The following POLA1 variants were observed in gnomAD, a reference collection of about 807,000 sequenced individuals.
POLA1 encodes the protein DNA polymerase alpha catalytic subunit.
POLA1 carries 15 observed loss-of-function variants against 124.0 expected under a neutral mutation model. The ratio of observed to expected loss-of-function variants is 0.12; its 90% CI spans 0.08 to 0.19. The LOEUF is 0.19. POLA1 is among the 10% of genes least tolerant of loss of function. The pLI, the probability that POLA1 is intolerant of heterozygous loss-of-function variation, is 1.00. For missense variants in POLA1, 886 were observed against 1,103.4 expected (o/e 0.80, Z 2.79); for synonymous variants, 408 against 389.4 (o/e 1.05, Z -0.56).
chrX:24,774,138 A>G (rs142376924), intron 26 of POLA1, among the ~76,000 whole-genome samples: 245 of 111,678 alleles, frequency 2.2e-3, no homozygotes, highest in African/African-American at 7.6e-3. Flanking sequence ...GGATTATCAC[A>G]TATCATGCAA....
intron 26 of POLA1, among the ~76,000 whole-genome samples, chrX:24,771,743 A>G (rs1394477469): frequency 1.8e-5 from 2 of 111,400 alleles, no homozygotes; most frequent in African/African-American, 3.3e-5. Flanking sequence ...TTTTTCTTTT[A>G]GTCTTAATAT....
intron 26 of POLA1, among the ~76,000 whole-genome samples, chrX:24,765,116 C>CTACCCTG (rs1267767231): frequency 1.8e-5 from 2 of 110,342 alleles, no homozygotes; most frequent in Non-Finnish European, 1.9e-5. Flanking sequence ...GCCACATGGG[C>CTACCCTG]TACCCTGTTC....
At chrX:24,829,215 A>C (rs1601778497) in intron 32 of POLA1, among the ~76,000 whole-genome samples, 2 of 111,674 alleles carry the variant, frequency 1.8e-5, no homozygotes, top group Non-Finnish European at 3.8e-5. Context: ...TCTTCTGGGC[A>C]GTCCCTTCTT....
intron 26 of POLA1, among the ~76,000 whole-genome samples, chrX:24,789,703 A>G (rs956931788): frequency 8.9e-6 from 1 of 112,323 alleles, no homozygotes. Context: ...ATTCGTATTT[A>G]AAGAACATCA....
intron 4 of POLA1, among the ~76,000 whole-genome samples, chrX:24,705,121 T>C (rs1180807785): frequency 9.0e-6 from 1 of 111,014 alleles, no homozygotes; most frequent in Non-Finnish European, 1.9e-5. Flanking sequence ...AAAAGTTTTA[T>C]TGAGATACAG....
rs1265804065 is a variant in POLA1 at position 24,867,156 on chromosome X, A to G, written c.4048-20850A>G. 3.6e-5 allele frequency among the ~76,000 whole-genome samples: 4 copies of G among 111,487 alleles called. No homozygotes were observed. The Admixed American group carries it at 3.8e-4, about 11-fold the overall frequency. ...TAATTTTTGTTCTAGTCTATCATGC[A>G]TCTTTGAAAATTCAATATTTTCTTG... On this transcript the variant is annotated intron_variant, in intron 34 of 36. Coordinates refer to ENST00000379068, the MANE Select transcript of POLA1 (RefSeq NM_001330360.2).
chrX:24,772,760 T>C (rs1169054955), intron 26 of POLA1, among the ~76,000 whole-genome samples: 1 of 111,877 alleles, frequency 8.9e-6, no homozygotes, highest in East Asian at 2.8e-4. Context: ...TCAACCGTTG[T>C]GGAAGAGAGT....
At chrX:24,754,182 A>G (rs918568865) in intron 26 of POLA1, among the ~76,000 whole-genome samples, 1 of 111,256 alleles carries the variant, frequency 9.0e-6, no homozygotes, top group African/African-American at 3.3e-5. Context: ...AAATATTAAG[A>G]GAAGTCTTTC....
At chrX:24,819,385 G>A (rs1381657171) in intron 30 of POLA1, among the ~76,000 whole-genome samples, 1 of 104,471 alleles carries the variant, frequency 9.6e-6, no homozygotes, top group African/African-American at 3.5e-5. Flanking sequence ...TTTTTGCCTT[G>A]AAGTGGCAGG....
intron 36 of POLA1, among the ~76,000 whole-genome samples, chrX:24,971,076 C>T (rs181942742): frequency 8.9e-6 from 1 of 112,623 alleles, no homozygotes; most frequent in Admixed American, 9.4e-5. Flanking sequence ...AAATAAAACA[C>T]AGATGTATAA....
chrX:24,697,395 C>T (rs1403331485), intron 1 of POLA1, among the ~76,000 whole-genome samples: 1 of 111,797 alleles, frequency 8.9e-6, no homozygotes, highest in Non-Finnish European at 1.9e-5. Flanking sequence ...TTCATGTAGG[C>T]CTGTTCACGA....
chrX:24,778,337 T>C (rs974627139), intron 26 of POLA1, among the ~76,000 whole-genome samples: 10 of 111,323 alleles, frequency 9.0e-5, no homozygotes, highest in Admixed American at 4.7e-4. Context: ...TTCAAGCGAT[T>C]CTTCTGCCTC....
At chrX:24,869,723 G>C (rs1282380109) in intron 34 of POLA1, among the ~76,000 whole-genome samples, 2 of 111,616 alleles carry the variant, frequency 1.8e-5, no homozygotes, top group African/African-American at 6.5e-5. Flanking sequence ...GGGCTGAGGT[G>C]GTGGCCTTCT....
At chrX:24,696,788 T>C (rs1928039869) in intron 1 of POLA1, among the ~76,000 whole-genome samples, 1 of 112,008 alleles carries the variant, frequency 8.9e-6, no homozygotes, top group African/African-American at 3.2e-5. Flanking sequence ...AGCTGGAATG[T>C]GCTGCTTCTC....
At chrX:24,697,481 T>G (rs1222115954) in intron 1 of POLA1, among the ~76,000 whole-genome samples, 1 of 112,178 alleles carries the variant, frequency 8.9e-6, no homozygotes, top group Non-Finnish European at 1.9e-5. Context: ...TAATTTTTAC[T>G]TAATGTCTTT....
chrX:24,947,440 T>G (rs2047980768), intron 36 of POLA1, among the ~76,000 whole-genome samples: 2 of 106,815 alleles, frequency 1.9e-5, no homozygotes, highest in African/African-American at 6.8e-5. Flanking sequence ...GCTAATTTTT[T>G]GTATTTTTTT....
chrX:24,794,377 TTATTCC>T (rs776818418), intron 26 of POLA1, among the ~76,000 whole-genome samples: 3 of 112,532 alleles, frequency 2.7e-5, no homozygotes, highest in Non-Finnish European at 1.9e-5. Flanking sequence ...CACTATTCTC[TTATTCC>T]ATCTGTTTTG....
At chrX:24,968,526 T>C (rs6526410) in intron 36 of POLA1, among the ~76,000 whole-genome samples, 12,997 of 109,011 alleles carry the variant, frequency 0.12, 1,741 homozygotes, top group African/African-American at 0.39. Context: ...GGTGAAACCC[T>C]GTCTCTACTA....
intron 24 of POLA1, among the ~76,000 whole-genome samples, chrX:24,747,925 G>A (rs1169705814): frequency 9.0e-6 from 1 of 110,862 alleles, no homozygotes; most frequent in East Asian, 2.8e-4. Context: ...TGGTAGAGAC[G>A]GGGTTTCACC....
Sources: allele counts gnomAD v4.1 joint callset (sites outside exome capture counted in the v4.1 genomes callset), GRCh38; gene constraint gnomAD v4.1.1; transcripts MANE v1.5; gene names NCBI Gene and HGNC (gene_info 2026-07-23, HGNC 2026-07-21).